The following CPXM2 variants were observed in gnomAD, a reference collection of about 807,000 sequenced individuals.
The protein encoded by CPXM2 is inactive carboxypeptidase-like protein X2.
Under a neutral mutation model 86.1 loss-of-function variants are expected in CPXM2, and 66 were observed. The ratio of observed to expected loss-of-function variants is 0.77; its 90% confidence interval spans 0.63 to 0.94. CPXM2 has a LOEUF of 0.94. Among genes scored for constraint, CPXM2 ranks in the 40% least tolerant of loss-of-function variants. The pLI, the probability that CPXM2 is intolerant of heterozygous loss-of-function variation, is 0.00. For synonymous variants in CPXM2, 388 were observed against 400.2 expected (o/e 0.97, Z 0.36); for missense variants, 948 against 1,026.3 (o/e 0.92, Z 1.04).
chr10:123,924,301 C>T (rs562841508), intron 2 of CPXM2, among the ~76,000 whole-genome samples: 1 of 152,304 alleles, frequency 6.6e-6, no homozygotes, highest in African/African-American at 2.4e-5. Context: ...TAGCGGGTCC[C>T]CAGGTTACCC....
At chr10:123,927,634 C>T (rs929610888) in intron 2 of CPXM2, among the ~76,000 whole-genome samples, 3 of 152,182 alleles carry the variant, frequency 2.0e-5, no homozygotes, top group African/African-American at 4.8e-5. Flanking sequence ...GTTGCTCATG[C>T]GGCCTTAGGG....
Position 123,909,189 on chromosome 10 carries a change from C to T in CPXM2, n.175-28880G>A, listed in dbSNP as rs142298946. 3.7e-4 allele frequency among the ~76,000 whole-genome samples: 57 copies of T among 152,194 alleles called. 1 individual carries two copies. In the East Asian group the frequency reaches 8.3e-3, roughly 22 times the overall value. On this transcript the variant is annotated intron_variant and non_coding_transcript_variant, in intron 2 of 19. Coordinates refer to the CPXM2 transcript ENST00000368854. ...AGCAGGATTCGTGTAGCTCGGGACA[C>T]GGGCTTCCCTCCACCCTGAGGTTCA...
chr10:123,852,361 C>A (rs112217979), intron 3 of CPXM2, among the ~76,000 whole-genome samples: 4,338 of 152,312 alleles, frequency 0.028, 80 homozygotes, highest in African/African-American at 0.052. Flanking sequence ...CTCATCTGCC[C>A]TGCATCAGAA....
At chr10:123,872,112 C>T (rs1206271959) in intron 2 of CPXM2, among the ~76,000 whole-genome samples, 1 of 152,128 alleles carries the variant, frequency 6.6e-6, no homozygotes, top group African/African-American at 2.4e-5. Flanking sequence ...GAAGTGTTAA[C>T]TGATACAATC....
rs571074885 is a variant in CPXM2 at position 123,761,230 on chromosome 10, C to T, written c.1777+642G>A. On this transcript the variant is annotated intron_variant, in intron 11 of 13. Transcript: ENST00000241305. ...CATGCAGCACACAGTCGGCGTTGAC[C>T]GCAGGCTGTGGGTATGAGTGTGACG... is the stretch of plus-strand genomic sequence containing the variant. Among the ~76,000 whole-genome samples the T allele has an allele frequency of 6.6e-5, 10 of 152,302 alleles. No individual in the cohort carries two copies. In the East Asian group the frequency reaches 1.7e-3, roughly 26 times the overall value.
upstream of CPXM2, among the ~76,000 whole-genome samples, chr10:123,892,434 G>C (rs1256588143): frequency 3.3e-5 from 5 of 152,200 alleles, no homozygotes; most frequent in African/African-American, 9.7e-5. Context: ...GTTCATCCAA[G>C]AGCAGGCTCT....
At chr10:123,817,039 C>T (rs570370631) in intron 4 of CPXM2, among the ~76,000 whole-genome samples, 3 of 152,286 alleles carry the variant, frequency 2.0e-5, no homozygotes, top group East Asian at 1.9e-4. Context: ...CAAGGTATTC[C>T]TTCTAAGGTA....
intron 2 of CPXM2, among the ~76,000 whole-genome samples, chr10:123,903,935 G>C (rs1945408422): frequency 6.6e-6 from 1 of 152,160 alleles, no homozygotes; most frequent in African/African-American, 2.4e-5. Flanking sequence ...GCCAAGACAT[G>C]AGCCCCTCCT....
chr10:123,862,604 GGCCAGGTACCTGGATGTT>G lies in CPXM2; in HGVS notation c.505_513+9del. 1 of 1,609,492 alleles carries G rather than the reference GGCCAGGTACCTGGATGTT, an allele frequency of 6.2e-7. No homozygotes were observed. Among genetic ancestry groups the G allele is most frequent in the South Asian group, 1.1e-5 (1 of 90,980 alleles). On this transcript the variant is annotated splice_donor_variant and splice_donor_5th_base_variant and coding_sequence_variant and intron_variant, in exon 3 of 14. Coordinates refer to ENST00000241305, the MANE Select transcript of CPXM2 (RefSeq NM_198148.3). LOFTEE classifies it high-confidence loss of function. ...GCAGTCAAAATCCTTCCAACCACAG[GGCCAGGTACCTGGATGTT>G]GAGTCTCCCTCGATGTGCCCCCAGG...
chr10:123,908,644 C>T (rs532370014), intron 2 of CPXM2, among the ~76,000 whole-genome samples: 1 of 152,192 alleles, frequency 6.6e-6, no homozygotes, highest in African/African-American at 2.4e-5. Context: ...CTTGGGGTAC[C>T]AGGAATGGCT....
intron 1 of CPXM2, chr10:123,887,080 C>T (rs1945188986): frequency 6.6e-6 from 1 of 152,166 alleles, no homozygotes; most frequent in Non-Finnish European, 1.5e-5. Flanking sequence ...TTCGAAACAG[C>T]TAAATAAATG....
intron 2 of CPXM2, among the ~76,000 whole-genome samples, chr10:123,932,897 G>C (rs373914971): frequency 3.9e-5 from 6 of 152,286 alleles, no homozygotes; most frequent in South Asian, 4.1e-4. Flanking sequence ...GGACTCACAT[G>C]GGGGAGAGCT....
intron 2 of CPXM2, among the ~76,000 whole-genome samples, chr10:123,874,270 C>G (rs74232024): frequency 0.04 from 6,110 of 152,068 alleles, 168 homozygotes; most frequent in East Asian, 0.11. Flanking sequence ...TCCCTGCGTC[C>G]TAACATGGAG....
intron 2 of CPXM2, among the ~76,000 whole-genome samples, chr10:123,916,630 T>C (rs1945535317): frequency 6.6e-6 from 1 of 152,204 alleles, no homozygotes. Flanking sequence ...GCAGGGACAC[T>C]GTGTTCCTCT....
At chr10:123,889,836 C>G (rs1483454559) in intron 1 of CPXM2, among the ~76,000 whole-genome samples, 2 of 152,090 alleles carry the variant, frequency 1.3e-5, no homozygotes, top group Non-Finnish European at 2.9e-5. Context: ...AGCACTACCC[C>G]CAGTGACTGC....
intron 2 of CPXM2, among the ~76,000 whole-genome samples, chr10:123,863,224 G>C (rs1055066879): frequency 3.3e-5 from 5 of 152,210 alleles, no homozygotes; most frequent in Non-Finnish European, 1.5e-5. Flanking sequence ...GATCGTCCCA[G>C]CCTAGCCCAT....
intron 7 of CPXM2, among the ~76,000 whole-genome samples, chr10:123,774,466 G>A (rs902268859): frequency 3.9e-5 from 6 of 152,152 alleles, no homozygotes; most frequent in East Asian, 1.9e-4. Flanking sequence ...TTTATGATAC[G>A]TTGGAGTTAT....
intron 2 of CPXM2, among the ~76,000 whole-genome samples, chr10:123,937,093 C>T (rs528090754): frequency 6.6e-5 from 10 of 152,328 alleles, no homozygotes; most frequent in African/African-American, 2.4e-4. Flanking sequence ...CAGCAATTCC[C>T]CTTCCCAGGG....
intron 2 of CPXM2, chr10:123,931,595 C>T (rs1945666837): frequency 6.6e-6 from 1 of 152,074 alleles, no homozygotes; most frequent in South Asian, 2.1e-4. Flanking sequence ...GCCCCTCCTC[C>T]TGGGAAAAAA....
Sources: gnomAD v4.1 joint callset for allele counts (sites outside exome capture counted in the v4.1 genomes callset) on GRCh38, gnomAD v4.1.1 for gene constraint, MANE v1.5 for transcripts, NCBI Gene and HGNC (gene_info 2026-07-23, HGNC 2026-07-21) for gene names.